Variants in PDE11A observed in about 807,000 individuals in gnomAD.
The protein encoded by PDE11A is dual 3',5'-cyclic-AMP and -GMP phosphodiesterase 11A.
Under a neutral mutation model 100.5 loss-of-function variants are expected in PDE11A, and 100 were observed. That is an observed-to-expected ratio of 1.00 (90% CI 0.85 to 1.18). The LOEUF (loss-of-function observed/expected upper bound fraction) is 1.18, where lower values mean the gene tolerates loss of function less well. Ranked by LOEUF, PDE11A falls within the 50% of genes most tolerant of loss-of-function variation. The probability of loss-of-function intolerance (pLI) is 0.00; values close to 1 mark genes in which losing one functional copy is unlikely to be tolerated. For synonymous variants in PDE11A, 381 were observed against 420.8 expected (o/e 0.91, Z 1.16); for missense variants, 1,141 against 1,152.6 (o/e 0.99, Z 0.15).
chr2:177,885,226 A>G (rs77194020), intron 4 of PDE11A, among the ~76,000 whole-genome samples: 2,118 of 125,396 alleles, frequency 0.017, 36 homozygotes, highest in East Asian at 0.092. Context: ...GTGTGTGTAT[A>G]TATAGTACTA....
chr2:177,825,610 T>C lies in PDE11A; in HGVS notation c.1501-5315A>G, dbSNP rs146255390. ...GGCTGGAGGAAAAGGAGAAGGGAGA[T>C]GAAAGAAGCACAGGATGTCTAACGA... On this transcript the variant is annotated intron_variant, in intron 6 of 19. Coordinates refer to ENST00000286063, the MANE Select transcript of PDE11A (RefSeq NM_016953.4). Among the ~76,000 whole-genome samples the C allele has an allele frequency of 2.0e-3, 297 of 152,162 alleles. 2 individuals carry two copies. The highest frequency in any genetic ancestry group is 8.2e-3 in the Admixed American group (126 of 15,276).
At position 177,934,899 on chromosome 2, in the gene PDE11A, G is replaced by C. The variant is rs562063642; in HGVS notation, c.1072-29712C>G. 7.2e-5 allele frequency among the ~76,000 whole-genome samples: 11 copies of C among 152,156 alleles called. No homozygotes were observed. In the East Asian group the frequency reaches 2.1e-3, roughly 29 times the overall value. On this transcript the variant is annotated intron_variant, in intron 2 of 19. Coordinates refer to ENST00000286063, the MANE Select transcript of PDE11A (RefSeq NM_016953.4). ...TAATGCATGTTCTCTCCTATAAATG[G>C]GAGCTAAACTTTGGGTACTCATGGA... is the stretch of plus-strand genomic sequence containing the variant.
At chr2:178,096,909 CAG>C (rs2087499662) in intron 2 of PDE11A, among the ~76,000 whole-genome samples, 2 of 151,736 alleles carry the variant, frequency 1.3e-5, no homozygotes, top group African/African-American at 4.8e-5. Context: ...TTTTTTAAGA[CAG>C]AGTCTTGCTC....
At chr2:177,731,943 A>G (rs891162777) in intron 10 of PDE11A, among the ~76,000 whole-genome samples, 30 of 152,168 alleles carry the variant, frequency 2.0e-4, no homozygotes, top group African/African-American at 7.0e-4. Flanking sequence ...ACTAAAAAAA[A>G]CCTTTATTTT....
rs1368521905 is a variant in PDE11A, at chr2:177,697,403, G to C, written c.2274C>G (p.Ser758=). 2.5e-6 allele frequency: 4 copies of C among 1,591,382 alleles called. No homozygotes were observed. The highest frequency in any genetic ancestry group is 2.7e-5 in the African/African-American group (2 of 74,524). The part of the protein sequence containing the change: ...EGHNIFANLS[S]KEYSDLMQLL... ...GCTGCATAAGGTCACTATATTCCTT[G>C]GAGGACAGGTTAGCAAAGATATTGT... Residue 758 remains serine, a synonymous_variant, in exon 15 of 20, where the codon TCC becomes TCG. Transcript: ENST00000286063.
intron 10 of PDE11A, among the ~76,000 whole-genome samples, chr2:177,765,518 C>T (rs1338378690): frequency 1.3e-5 from 2 of 152,304 alleles, no homozygotes; most frequent in East Asian, 3.9e-4. Flanking sequence ...TTGATTCCAT[C>T]GATGCCATCA....
At chr2:177,867,629 G>A (rs2084053412) in intron 5 of PDE11A, among the ~76,000 whole-genome samples, 1 of 152,162 alleles carries the variant, frequency 6.6e-6, no homozygotes, top group African/African-American at 2.4e-5. Context: ...GGCAGGCTGA[G>A]GCAGGAGAAT....
At chr2:177,922,007 A>G (rs556477344) in intron 2 of PDE11A, 96 of 152,290 alleles carry the variant, frequency 6.3e-4, no homozygotes, top group African/African-American at 2.2e-3. Context: ...AAAATATCTT[A>G]CTTTTGTTAA....
At chr2:177,938,711 G>A (rs2085307923) in intron 2 of PDE11A, among the ~76,000 whole-genome samples, 1 of 151,670 alleles carries the variant, frequency 6.6e-6, no homozygotes, top group South Asian at 2.1e-4. Flanking sequence ...GAAAGAAGAG[G>A]AATAAAGGGT....
At chr2:177,762,303 G>A (rs369210547) in intron 10 of PDE11A, among the ~76,000 whole-genome samples, 1 of 152,164 alleles carries the variant, frequency 6.6e-6, no homozygotes. Context: ...CATTGTGATG[G>A]CTAACCCAAG....
chr2:177,788,471 T>C (rs2082575551), intron 9 of PDE11A, among the ~76,000 whole-genome samples: 2 of 151,138 alleles, frequency 1.3e-5, no homozygotes, highest in South Asian at 4.2e-4. Flanking sequence ...ACATCACAAT[T>C]AAAAGAACTA....
At chr2:177,902,321 C>A (rs368208995) in intron 3 of PDE11A, among the ~76,000 whole-genome samples, 2 of 151,824 alleles carry the variant, frequency 1.3e-5, no homozygotes, top group Non-Finnish European at 2.9e-5. Flanking sequence ...CTATAAGAAA[C>A]AATGATAATC....
At chr2:178,091,559 C>T (rs538803348) in intron 2 of PDE11A, among the ~76,000 whole-genome samples, 69 of 152,284 alleles carry the variant, frequency 4.5e-4, no homozygotes, top group African/African-American at 1.6e-3. Context: ...CTTATCCTCA[C>T]CCATAATGAT....
At chr2:177,945,672 C>T (rs1398887956) in intron 2 of PDE11A, among the ~76,000 whole-genome samples, 7 of 151,832 alleles carry the variant, frequency 4.6e-5, no homozygotes, top group African/African-American at 7.2e-5. Flanking sequence ...GCAGCCACCC[C>T]ATCTGGGAGG....
intron 2 of PDE11A, among the ~76,000 whole-genome samples, chr2:178,004,162 T>C (rs957675066): frequency 6.6e-6 from 1 of 152,152 alleles, no homozygotes; most frequent in African/African-American, 2.4e-5. Context: ...AACAGTATTA[T>C]CTCTGAAAGT....
chr2:177,957,097 AC>A (rs2105786808), intron 2 of PDE11A, among the ~76,000 whole-genome samples: 1 of 152,248 alleles, frequency 6.6e-6, no homozygotes, highest in African/African-American at 2.4e-5. Context: ...ACAAAAAAAA[AC>A]AAACAAGGGG....
chr2:178,080,092 T>C (rs1240659855), intron 2 of PDE11A, among the ~76,000 whole-genome samples: 3 of 152,180 alleles, frequency 2.0e-5, no homozygotes, highest in South Asian at 4.1e-4. Context: ...ATTCTGTAGG[T>C]TGTCTGTTCA....
upstream of PDE11A, among the ~76,000 whole-genome samples, chr2:178,076,387 T>C (rs1297095796): frequency 2.6e-5 from 4 of 152,236 alleles, no homozygotes; most frequent in Admixed American, 1.3e-4. Flanking sequence ...GCAGGCAAGA[T>C]AACTTTTGTT....
At chr2:177,903,859 G>A (rs1481842318) in intron 3 of PDE11A, among the ~76,000 whole-genome samples, 1 of 152,140 alleles carries the variant, frequency 6.6e-6, no homozygotes, top group African/African-American at 2.4e-5. Context: ...TGGAAATTGG[G>A]GACTATATTG....
Sources: allele counts gnomAD v4.1 joint callset (sites outside exome capture counted in the v4.1 genomes callset), GRCh38; gene constraint gnomAD v4.1.1; transcripts MANE v1.5; gene names NCBI Gene and HGNC (gene_info 2026-07-23, HGNC 2026-07-21).